MTA1: variants seen among roughly 807,000 people sequenced by gnomAD.
MTA1 encodes metastasis associated 1.
Under a neutral mutation model 97.0 loss-of-function variants are expected in MTA1, and 15 were observed. That is an observed-to-expected ratio of 0.15 (90% CI 0.10 to 0.24). The LOEUF is 0.24. Among genes scored for constraint, MTA1 ranks in the 10% least tolerant of loss-of-function variants. MTA1 has a pLI of 1.00. For synonymous variants in MTA1, 435 were observed against 417.5 expected, an observed-to-expected ratio of 1.04 and a Z score of -0.51; for missense variants, 709 against 1,015.1, an observed-to-expected ratio of 0.70 and a Z score of 4.10.
Position 105,466,423 on chromosome 14 carries a change from C to A in MTA1, c.1625-3C>A. The A allele has an allele frequency of 6.3e-7, 1 of 1,599,866 alleles. No homozygotes were observed. The highest frequency in any genetic ancestry group is 8.5e-7 in the Non-Finnish European group (1 of 1,171,774). On this transcript the variant is annotated splice_polypyrimidine_tract_variant and splice_region_variant and intron_variant, in intron 16 of 20. Transcript: ENST00000331320. ...CTCGTTCTGCCTGTGTCATTCCCGG[C>A]AGAGACCCACCCCCGCCCCCCCAAG...
At chr14:105,435,534 T>C (rs1387607510) in intron 1 of MTA1, among the ~76,000 whole-genome samples, 11 of 152,212 alleles carry the variant, frequency 7.2e-5, no homozygotes, top group African/African-American at 2.7e-4. Context: ...GCAATCCTCC[T>C]GATTTCTTGT....
intron 18 of MTA1, chr14:105,469,062 G>C: frequency 2.3e-6 from 1 of 429,974 alleles, no homozygotes; most frequent in Non-Finnish European, 4.7e-6. Context: ...CGGCCTCCTG[G>C]TGGGGCAGTG....
Position 105,460,756 on chromosome 14 carries a change from C to G in MTA1, c.754-9C>G. 1 of 1,564,452 alleles carries G rather than the reference C, an allele frequency of 6.4e-7. No individual in the cohort carries two copies. Among genetic ancestry groups the G allele is most frequent in the Non-Finnish European group, 8.7e-7 (1 of 1,153,258 alleles). On this transcript the variant is annotated splice_polypyrimidine_tract_variant and intron_variant, in intron 9 of 20. Coordinates refer to ENST00000331320, the MANE Select transcript of MTA1 (RefSeq NM_004689.4). ...TTGGCCCGGGTGACCCTGCTGTCTC[C>G]TGCCGCAGTTCCACGCCATGGATAC...
intron 1 of MTA1, among the ~76,000 whole-genome samples, chr14:105,434,115 C>T (rs1595291633): frequency 6.6e-6 from 1 of 152,334 alleles, no homozygotes; most frequent in East Asian, 1.9e-4. Flanking sequence ...CTGCGCCTGG[C>T]CCAGTTATTT....
chr14:105,469,662 A>C (rs1239279314), intron 19 of MTA1, 164 bp downstream of exon 19: 1 of 1,205,340 alleles, frequency 8.3e-7, no homozygotes, highest in Admixed American at 2.2e-5. Flanking sequence ...CCCCTGTGCC[A>C]GGCCCAGCGG....
At chr14:105,443,545 A>G (rs1376102773) in intron 2 of MTA1, among the ~76,000 whole-genome samples, 3 of 152,122 alleles carry the variant, frequency 2.0e-5, no homozygotes, top group Non-Finnish European at 2.9e-5. Context: ...TTAATTTTTA[A>G]AACACATTTT....
At chr14:105,464,230 T>C (rs1352574989) in intron 13 of MTA1, 83 bp downstream of exon 13, 1 of 1,437,496 alleles carries the variant, frequency 7.0e-7, no homozygotes, top group Non-Finnish European at 9.5e-7. Context: ...GGCTCCAGCA[T>C]GGCCCAGCCT....
At chr14:105,460,036 C>G (rs1555430638) in intron 8 of MTA1, among the ~76,000 whole-genome samples, 5 of 30,466 alleles carry the variant, frequency 1.6e-4, no homozygotes, top group Admixed American at 5.4e-4. Flanking sequence ...GCCCATGGCC[C>G]CTGGTCCCTG....
chr14:105,466,792 C>T (rs1555433043), intron 18 of MTA1, 50 bp downstream of exon 18: 1 of 1,542,882 alleles, frequency 6.5e-7, no homozygotes, highest in Admixed American at 2.0e-5. Context: ...GCCCGTGATG[C>T]CTGTGCTGTG....
chr14:105,462,963 CT>C (rs2141670435), intron 10 of MTA1, among the ~76,000 whole-genome samples: 2 of 152,360 alleles, frequency 1.3e-5, no homozygotes, highest in South Asian at 4.1e-4. Context: ...TCCTCTTCCC[CT>C]GGCGTCACTG....
chr14:105,447,777 T>C (rs587608766), intron 3 of MTA1, among the ~76,000 whole-genome samples: 6 of 152,278 alleles, frequency 3.9e-5, no homozygotes, highest in African/African-American at 1.4e-4. Flanking sequence ...GCGGCCCCAC[T>C]CTTGCCTGGC....
chr14:105,466,429 C>A lies in MTA1; in HGVS notation c.1628C>A (p.Thr543Asn), dbSNP rs1555432791. 5 of 791,460 alleles carry A rather than the reference C, an allele frequency of 6.3e-6. No individual in the cohort carries two copies. Among genetic ancestry groups the A allele is most frequent in the South Asian group, 1.4e-5 (1 of 73,792 alleles). 49.0% of individuals were successfully genotyped at this position (791,460 alleles called of 1,614,324 possible). The change falls in exon 17 of 21, where the codon ACC becomes AAC. Residue 543 changes from threonine (T) to asparagine (N), a missense_variant. By Grantham distance (65) the Thr-to-Asn change is moderately conservative (BLOSUM62 0). Transcript: ENST00000331320. ...PLEAVLRYLETHPRPPKPDPV... is the reference protein window; with the variant it reads ...PLEAVLRYLENHPRPPKPDPV... ...CTGCCTGTGTCATTCCCGGCAGAGA[C>A]CCACCCCCGCCCCCCCAAGCCTGAC...
intron 3 of MTA1, among the ~76,000 whole-genome samples, chr14:105,448,423 G>C (rs2082793631): frequency 1.3e-5 from 2 of 152,198 alleles, no homozygotes; most frequent in Admixed American, 6.5e-5. Flanking sequence ...GTGGGCTCCT[G>C]TCCAGGCTGG....
intron 1 of MTA1, among the ~76,000 whole-genome samples, chr14:105,426,240 CAG>C (rs1295962502): frequency 9.2e-5 from 14 of 152,218 alleles, no homozygotes; most frequent in Admixed American, 7.2e-4. Flanking sequence ...AGCGTCGTCA[CAG>C]GGGAGGAAAC....
chr14:105,460,637 G>A, intron 9 of MTA1, 128 bp from the exon 10 acceptor site: 3 of 1,234,382 alleles, frequency 2.4e-6, no homozygotes, highest in Non-Finnish European at 3.3e-6. Context: ...CTGTGCTGAG[G>A]GTGCAGGGAG....
rs587683924 is a variant in MTA1, at chr14:105,461,013, C to T, written c.942+60C>T. 61 of 1,536,528 alleles carry T rather than the reference C, an allele frequency of 4.0e-5. No homozygotes were observed. In the African/African-American group the frequency reaches 4.7e-4, roughly 12 times the overall value. On this transcript the variant is annotated intron_variant, in intron 10 of 20. Transcript: ENST00000331320. ...GCCATGCCCATCTCCAGGTAGGCTGCGGGGGTGTGGGCTCCACATCCCACT... is the reference window on the plus strand; with the variant it reads ...GCCATGCCCATCTCCAGGTAGGCTGTGGGGGTGTGGGCTCCACATCCCACT...
intron 1 of MTA1, among the ~76,000 whole-genome samples, chr14:105,437,930 C>T (rs587756693): frequency 2.0e-5 from 3 of 152,352 alleles, no homozygotes; most frequent in African/African-American, 7.2e-5. Context: ...TTCCGTGGCT[C>T]TCTGTCTGTG....
chr14:105,461,646 A>T (rs1452673900), intron 10 of MTA1, among the ~76,000 whole-genome samples: 1 of 152,212 alleles, frequency 6.6e-6, no homozygotes, highest in African/African-American at 2.4e-5. Flanking sequence ...AGCAGCGCAC[A>T]GGCCAGCGCA....
intron 10 of MTA1, among the ~76,000 whole-genome samples, chr14:105,461,163 G>A (rs1184150239): frequency 2.0e-5 from 3 of 152,220 alleles, no homozygotes; most frequent in East Asian, 1.9e-4. Context: ...GCATGGGGGC[G>A]CTGGTGGGGC....
Sources: gnomAD v4.1 joint callset for allele counts (sites outside exome capture counted in the v4.1 genomes callset) on GRCh38, gnomAD v4.1.1 for gene constraint, MANE v1.5 for transcripts, NCBI Gene and HGNC (gene_info 2026-07-23, HGNC 2026-07-21) for gene names.